The following FAU variants were observed in gnomAD, a reference collection of about 807,000 sequenced individuals.
FAU encodes the protein ubiquitin-like FUBI-ribosomal protein eS30 fusion protein.
For missense variants in FAU, 125 were observed against 173.9 expected (o/e 0.72, Z 1.58); for synonymous variants, 70 against 69.9 (o/e 1.00, Z -0.01).
chr11:65,121,412 T>C (rs1028239065), intron 3 of FAU, 88 bp downstream of exon 3: 91 of 1,488,242 alleles, frequency 6.1e-5, no homozygotes, highest in African/African-American at 8.4e-5. Flanking sequence ...TCTATTACCA[T>C]AGGTGTGACA....
In FAU at chr11:65,121,600, G is replaced by A. The variant is rs780673339; in HGVS notation, c.120C>T (p.Val40=). 5.6e-6 allele frequency: 9 copies of A among 1,613,864 alleles called. No homozygotes were observed. Among genetic ancestry groups the A allele is most frequent in the Admixed American group, 3.3e-5 (2 of 60,002 alleles). ...SLEGIAPEDQ[V]VLLAGAPLED... ...CCAGGGGCGCGCCTGCCAGGAGCAC[G>A]ACTTGATCTTCCGGGGCAATGCCCT... is the stretch of plus-strand genomic sequence containing the variant. The change falls in exon 3 of 5, where the codon GTC becomes GTT. Residue 40 remains valine, a synonymous_variant. Coordinates refer to ENST00000529639, the MANE Select transcript of FAU (RefSeq NM_001997.5).
chr11:65,121,099 T>C, intron 3 of FAU, 63 bp from the exon 4 acceptor site: 1 of 1,546,266 alleles, frequency 6.5e-7, no homozygotes, highest in Non-Finnish European at 8.9e-7. Flanking sequence ...GCAGAACCCC[T>C]CTTTTCTCAA....
chr11:65,121,142 G>A, intron 3 of FAU, 106 bp from the exon 4 acceptor site: 2 of 1,130,132 alleles, frequency 1.8e-6, no homozygotes, highest in Non-Finnish European at 2.6e-6. Flanking sequence ...GCGCCCAATA[G>A]GTAATGAGAA....
Position 65,122,120 on chromosome 11 carries a change from G to A in FAU, c.-39C>T. 1 of 601,592 alleles carries A rather than the reference G, an allele frequency of 1.7e-6. No homozygotes were observed. Among genetic ancestry groups the A allele is most frequent in the East Asian group, 2.8e-5 (1 of 35,848 alleles). The allele number at this position is 601,592 out of a possible 1,614,324, so 37.3% of individuals were successfully genotyped here. ...CGGCGGTCCCAGCTACCGCGAAGAT[G>A]GAGTCGAGAAAGAGGAAGAAGCGAG... On this transcript the variant is annotated 5_prime_UTR_variant, in exon 1 of 5. Coordinates refer to ENST00000529639, the MANE Select transcript of FAU (RefSeq NM_001997.5).
chr11:65,121,300 A>T, intron 3 of FAU, 200 bp downstream of exon 3: 4 of 791,484 alleles, frequency 5.1e-6, no homozygotes, highest in Non-Finnish European at 7.8e-6. Context: ...GATGTGACTG[A>T]AATACAACTA....
At position 65,120,775 on chromosome 11, in the gene FAU, G is replaced by GTCT. The variant is rs748500776; in HGVS notation, c.305_307dup (p.Lys102dup). On this transcript the variant is annotated inframe_insertion, in exon 5 of 5. Transcript: ENST00000529639. ...CTGCATCCGCCGCTTAGCCCGACCT[G>GTCT]TCTTCTTCTTCTTCTTCTCCTGTTT... is the stretch of plus-strand genomic sequence containing the variant. The GTCT allele has an allele frequency of 8.7e-6, 14 of 1,613,858 alleles. No individual in the cohort carries two copies. Among genetic ancestry groups the GTCT allele is most frequent in the South Asian group, 1.1e-5 (1 of 91,082 alleles).
In FAU at chr11:65,121,615, G is replaced by A. The variant is rs1948048842; in HGVS notation, c.105C>T (p.Ala35=). The change falls in exon 3 of 5, where the codon GCC becomes GCT. Residue 35 remains alanine, a synonymous_variant. Coordinates refer to ENST00000529639, the MANE Select transcript of FAU (RefSeq NM_001997.5). ...KAHVASLEGI[A]PEDQVVLLAG... is the part of the protein sequence containing the mutation. ...CCAGGAGCACGACTTGATCTTCCGGGGCAATGCCCTCCAGTGAGGCTACAT... is the reference window on the plus strand; with the variant it reads ...CCAGGAGCACGACTTGATCTTCCGGAGCAATGCCCTCCAGTGAGGCTACAT... 1 of 1,613,990 alleles carries A rather than the reference G, an allele frequency of 6.2e-7. No homozygotes were observed. The highest frequency in any genetic ancestry group is 8.5e-7 in the Non-Finnish European group (1 of 1,180,028).
Position 65,121,599 on chromosome 11 carries a change from C to A in FAU, c.121G>T (p.Val41Leu), listed in dbSNP as rs11553063. Residue 41 changes from valine to leucine, a missense_variant, in exon 3 of 5, where the codon GTG becomes TTG. Val to Leu is a conservative substitution (Grantham distance 32). Coordinates refer to ENST00000529639, the MANE Select transcript of FAU (RefSeq NM_001997.5). Reference sequence around the variant, plus strand: ...TCCAGGGGCGCGCCTGCCAGGAGCACGACTTGATCTTCCGGGGCAATGCCC... The same window carrying A: ...TCCAGGGGCGCGCCTGCCAGGAGCAAGACTTGATCTTCCGGGGCAATGCCC... ...LEGIAPEDQVVLLAGAPLEDE... is the reference protein window; with the variant it reads ...LEGIAPEDQVLLLAGAPLEDE... 6 of 1,613,898 alleles carry A rather than the reference C, an allele frequency of 3.7e-6. No homozygotes were observed. Among genetic ancestry groups the A allele is most frequent in the Non-Finnish European group, 5.1e-6 (6 of 1,180,038 alleles).
At position 65,121,839 on chromosome 11, in the gene FAU, G is replaced by A. The variant is rs377385780; in HGVS notation, c.-8-18C>T. 1.2e-6 allele frequency: 2 copies of A among 1,612,194 alleles called. No individual in the cohort carries two copies. Among genetic ancestry groups the A allele is most frequent in the African/African-American group, 1.3e-5 (1 of 74,904 alleles). On this transcript the variant is annotated intron_variant, in intron 1 of 4. Coordinates refer to ENST00000529639, the MANE Select transcript of FAU (RefSeq NM_001997.5). ...ATTGGCGACTGAGTAAAGAAAAGAC[G>A]GCTTGTAAGAGAAGCCAAGAAATGC...
Position 65,121,639 on chromosome 11 carries a change from A to C in FAU, c.81T>G (p.His27Gln). The C allele has an allele frequency of 1.2e-6, 2 of 1,613,952 alleles. No individual in the cohort carries two copies. The highest frequency in any genetic ancestry group is 1.7e-6 in the Non-Finnish European group (2 of 1,179,984). The part of the protein sequence containing the change: ...GQETVAQIKA[H>Q]VASLEGIAPE... ...GGGCAATGCCCTCCAGTGAGGCTAC[A>C]TGAGCCTACAGGGAAAGATAAGGCT... The change falls in exon 3 of 5, where the codon CAT (histidine) becomes CAG (glutamine). Residue 27 changes from histidine (H) to glutamine (Q), a missense_variant. Physicochemically the swap from His to Gln is conservative, Grantham distance 24. Coordinates refer to ENST00000529639, the MANE Select transcript of FAU (RefSeq NM_001997.5).
Position 65,121,608 on chromosome 11 carries a change from C to G in FAU, c.112G>C (p.Asp38His), listed in dbSNP as rs34611253. ...VASLEGIAPE[D>H]QVVLLAGAPL... ...GCGCCTGCCAGGAGCACGACTTGAT[C>G]TTCCGGGGCAATGCCCTCCAGTGAG... Residue 38 changes from aspartate to histidine, a missense_variant, in exon 3 of 5, where the codon GAT (aspartate) becomes CAT (histidine). Coordinates refer to ENST00000529639, the MANE Select transcript of FAU (RefSeq NM_001997.5). 2.3e-5 allele frequency: 37 copies of G among 1,613,930 alleles called. No homozygotes were observed. The highest frequency in any genetic ancestry group is 3.3e-5 in the Admixed American group (2 of 60,008).
chr11:65,121,108 A>C, intron 3 of FAU, 72 bp from the exon 4 acceptor site: 31 of 1,494,494 alleles, frequency 2.1e-5, no homozygotes, highest in Non-Finnish European at 2.7e-5. Flanking sequence ...CTCTTTTCTC[A>C]ATTCAAGCCT....
At chr11:65,121,942 TGGGGAAGGCCA>T in intron 1 of FAU, 121 bp from the exon 2 acceptor site, 1 of 1,038,028 alleles carries the variant, frequency 9.6e-7, no homozygotes, top group South Asian at 1.4e-5. Context: ...GCGGCTCACG[TGGGGAAGGCCA>T]GGCCTCCCAA....
intron 1 of FAU, 60 bp from the exon 2 acceptor site, chr11:65,121,881 T>C: frequency 6.4e-7 from 1 of 1,563,450 alleles, no homozygotes; most frequent in Admixed American, 1.7e-5. Context: ...ATAAAGGAGA[T>C]TTGGGAGTGG....
At position 65,121,725 on chromosome 11, in the gene FAU, C is replaced by T. The variant is rs371896088; in HGVS notation, c.75+14G>A. 2 of 1,614,030 alleles carry T rather than the reference C, an allele frequency of 1.2e-6. No homozygotes were observed. The highest frequency in any genetic ancestry group is 1.3e-5 in the African/African-American group (1 of 75,050). On this transcript the variant is annotated intron_variant, in intron 2 of 4. Transcript: ENST00000529639. ...ACAAGAAAATGGAACCCAGGGCGCACCAAGCAGCCTTACCTTGATCTGGGC... is the reference window on the plus strand; with the variant it reads ...ACAAGAAAATGGAACCCAGGGCGCATCAAGCAGCCTTACCTTGATCTGGGC...
rs760234271 is a variant in FAU, at chr11:65,120,854, T to G, written c.277-48A>C. ...GGCCCTGGTTCCTGTCTTCCACACC[T>G]AGCATCCCTTCCCTCAGGCTCATCT... is the stretch of plus-strand genomic sequence containing the variant. On this transcript the variant is annotated intron_variant, in intron 4 of 4. Transcript: ENST00000529639. 7 of 1,610,962 alleles carry G rather than the reference T, an allele frequency of 4.3e-6. No individual in the cohort carries two copies. The East Asian group carries it at 1.6e-4, about 36-fold the overall frequency.
Position 65,120,751 on chromosome 11 carries a change from T to C in FAU, c.332A>G (p.Gln111Arg), listed in dbSNP as rs1590820561. The change falls in exon 5 of 5, where the codon CAG becomes CGG. Residue 111 changes from glutamine to arginine, a missense_variant. Transcript: ENST00000529639. Reference protein sequence around the residue: ...KKTGRAKRRMQYNRRFVNVVP... With the variant: ...KKTGRAKRRMRYNRRFVNVVP... ...AACGTTGACAAAGCGCCGGTTGTAC[T>C]GCATCCGCCGCTTAGCCCGACCTGT... 6.2e-7 allele frequency: 1 copy of C among 1,614,226 alleles called. No homozygotes were observed.
intron 3 of FAU, 99 bp downstream of exon 3, chr11:65,121,401 C>G: frequency 6.9e-7 from 1 of 1,444,094 alleles, no homozygotes. Flanking sequence ...GTGAGAAGTA[C>G]TCTATTACCA....
In FAU at chr11:65,121,798, G is replaced by A. The variant is rs1486377607; in HGVS notation, c.16C>T (p.Arg6Cys). The A allele has an allele frequency of 1.9e-6, 3 of 1,613,924 alleles. No homozygotes were observed. Among genetic ancestry groups the A allele is most frequent in the African/African-American group, 1.3e-5 (1 of 74,914 alleles). MQLFVRAQELHTFEVT... is the reference protein window; with the variant it reads MQLFVCAQELHTFEVT... ...TCGAAGGTGTGTAGCTCCTGGGCGCGGACAAAGAGCTGCATATTGGCGACT... is the reference window on the plus strand; with the variant it reads ...TCGAAGGTGTGTAGCTCCTGGGCGCAGACAAAGAGCTGCATATTGGCGACT... Residue 6 changes from arginine to cysteine, a missense_variant, in exon 2 of 5, where the codon CGC (arginine) becomes TGC (cysteine). Arg to Cys is a radical substitution (Grantham distance 180). Transcript: ENST00000529639.
Sources: gnomAD v4.1 joint callset for allele counts on GRCh38, gnomAD v4.1.1 for gene constraint, MANE v1.5 for transcripts, NCBI Gene and HGNC (gene_info 2026-07-23, HGNC 2026-07-21) for gene names.